Variants in MMADHC observed in about 807,000 individuals in gnomAD.
MMADHC encodes the protein metabolism of cobalamin associated D.
Under a neutral mutation model 36.3 loss-of-function variants are expected in MMADHC, and 23 were observed. The observed-to-expected ratio is 0.63, with a 90% CI of 0.46 to 0.90. The LOEUF (loss-of-function observed/expected upper bound fraction) is 0.90. Among genes scored for constraint, MMADHC ranks in the 40% least tolerant of loss-of-function variants. The probability of loss-of-function intolerance (pLI) is 0.00; values close to 1 mark genes in which losing one functional copy is unlikely to be tolerated. For synonymous variants in MMADHC, 97 were observed against 116.1 expected (o/e 0.84, Z 1.06); for missense variants, 330 against 348.0 (o/e 0.95, Z 0.41).
chr2:149,584,699 G>A (rs977812493), intron 2 of MMADHC, among the ~76,000 whole-genome samples: 1 of 152,078 alleles, frequency 6.6e-6, no homozygotes, highest in Non-Finnish European at 1.5e-5. Flanking sequence ...CCCACTGAAA[G>A]CGACAGTTGA....
intron 6 of MMADHC, among the ~76,000 whole-genome samples, chr2:149,571,766 C>T (rs1401103547): frequency 4.3e-5 from 6 of 139,162 alleles, no homozygotes; most frequent in South Asian, 2.3e-4. Context: ...GGCGACAGAG[C>T]GAGACTCCAT....
At chr2:149,574,616 C>T (rs761889808) in intron 6 of MMADHC, among the ~76,000 whole-genome samples, 39 of 152,126 alleles carry the variant, frequency 2.6e-4, no homozygotes, top group Non-Finnish European at 4.7e-4. Context: ...TATACTAGAA[C>T]AGTCTTTTTG....
chr2:149,585,154 G>C (rs1407873235), intron 2 of MMADHC, among the ~76,000 whole-genome samples: 2 of 152,034 alleles, frequency 1.3e-5, no homozygotes, highest in Non-Finnish European at 2.9e-5. Context: ...TGGTTCAGCT[G>C]GTGAACATAA....
intron 6 of MMADHC, among the ~76,000 whole-genome samples, chr2:149,573,928 A>G (rs1682679719): frequency 6.6e-6 from 1 of 152,212 alleles, no homozygotes. Flanking sequence ...CAACACTGAC[A>G]TCTGCTGGAA....
At chr2:149,581,139 G>C (rs947118347) in intron 3 of MMADHC, among the ~76,000 whole-genome samples, 1 of 152,070 alleles carries the variant, frequency 6.6e-6, no homozygotes, top group African/African-American at 2.4e-5. Flanking sequence ...TATGTTTACT[G>C]GTCATTTTAG....
rs538219525 is a variant in MMADHC at position 149,585,867 on chromosome 2, A to C, written c.9+1222T>G. 2.6e-5 allele frequency among the ~76,000 whole-genome samples: 4 copies of C among 152,366 alleles called. No individual in the cohort carries two copies. The South Asian group carries it at 8.3e-4, about 32-fold the overall frequency. ...TTTTAATATGAACTTCTTTCTAACAAAAGACTTATAAAAGGATCTTCCCTA... is the reference window on the plus strand; with the variant it reads ...TTTTAATATGAACTTCTTTCTAACACAAGACTTATAAAAGGATCTTCCCTA... On this transcript the variant is annotated intron_variant, in intron 2 of 7. Coordinates refer to ENST00000303319, the MANE Select transcript of MMADHC (RefSeq NM_015702.3).
chr2:149,581,015 C>A (rs1682785852), intron 3 of MMADHC, among the ~76,000 whole-genome samples: 2 of 152,116 alleles, frequency 1.3e-5, no homozygotes, highest in African/African-American at 4.8e-5. Flanking sequence ...CAAGAGAAAA[C>A]CTGTTAGCTA....
At position 149,569,752 on chromosome 2, in the gene MMADHC, A is replaced by G. The variant is rs1239053722; in HGVS notation, c.*222T>C. 1 of 439,996 alleles carries G rather than the reference A, an allele frequency of 2.3e-6. No individual in the cohort carries two copies. The highest frequency in any genetic ancestry group is 4.1e-6 in the Non-Finnish European group (1 of 244,152). 27.3% of individuals were successfully genotyped at this position (439,996 alleles called of 1,614,324 possible). On this transcript the variant is annotated 3_prime_UTR_variant, in exon 8 of 8. Coordinates refer to ENST00000303319, the MANE Select transcript of MMADHC (RefSeq NM_015702.3). ...ATACCCTGGTTACAAGCTAATTACCACATCCTATACAATGTGGATGTGTTC... is the reference window on the plus strand; with the variant it reads ...ATACCCTGGTTACAAGCTAATTACCGCATCCTATACAATGTGGATGTGTTC...
At chr2:149,579,863 G>C (rs1682771491) in intron 3 of MMADHC, among the ~76,000 whole-genome samples, 1 of 152,168 alleles carries the variant, frequency 6.6e-6, no homozygotes, top group South Asian at 2.1e-4. Flanking sequence ...TTAGGGGAAA[G>C]ACTGAATAAA....
intron 2 of MMADHC, among the ~76,000 whole-genome samples, chr2:149,585,153 T>G (rs1682850087): frequency 6.6e-6 from 1 of 152,068 alleles, no homozygotes; most frequent in African/African-American, 2.4e-5. Flanking sequence ...CTGGTTCAGC[T>G]GGTGAACATA....
intron 2 of MMADHC, among the ~76,000 whole-genome samples, chr2:149,583,023 C>T (rs189552613): frequency 1.3e-5 from 2 of 152,232 alleles, no homozygotes; most frequent in Admixed American, 6.5e-5. Context: ...TTATGTACTG[C>T]CTATGGTCAC....
intron 2 of MMADHC, among the ~76,000 whole-genome samples, chr2:149,585,870 G>A (rs1434139471): frequency 1.3e-5 from 2 of 152,276 alleles, no homozygotes; most frequent in East Asian, 3.9e-4. Context: ...TCTAACAAAA[G>A]ACTTATAAAA....
intron 3 of MMADHC, 33 bp downstream of exon 3, chr2:149,582,094 A>G (rs1460038550): frequency 1.2e-6 from 2 of 1,611,660 alleles, no homozygotes; most frequent in South Asian, 1.1e-5. Context: ...TTTTGAAACA[A>G]TTATAAGTAA....
Position 149,570,008 on chromosome 2 carries a change from T to C in MMADHC, c.857A>G (p.Asp286Gly). The C allele has an allele frequency of 1.2e-6, 2 of 1,613,728 alleles. No individual in the cohort carries two copies. Residue 286 changes from aspartate to glycine, a missense_variant, in exon 8 of 8, where the codon GAC becomes GGC. Transcript: ENST00000303319. ...ACTTAATTTCTTCATAATATGGCTG[T>C]CTGGTGTTGCATTAGTGAAGATACT... is the stretch of plus-strand genomic sequence containing the variant. ...VGSIFTNATPDSHIMKKLSGN is the reference protein window; with the variant it reads ...VGSIFTNATPGSHIMKKLSGN
rs1289235974 is a variant in MMADHC, at chr2:149,587,696, A to G, written c.-85T>C. Reference sequence around the variant, plus strand: ...CACCACTGTCTCCAGCTGTCCCAGAACCGGACTCTTCCTGCCATCAAAATG... The same window carrying G: ...CACCACTGTCTCCAGCTGTCCCAGAGCCGGACTCTTCCTGCCATCAAAATG... On this transcript the variant is annotated 5_prime_UTR_variant, in exon 1 of 8. Transcript: ENST00000303319. 6.5e-6 allele frequency: 1 copy of G among 153,028 alleles called. No homozygotes were observed. The highest frequency in any genetic ancestry group is 1.5e-5 in the Non-Finnish European group (1 of 68,548). 9.5% of individuals were successfully genotyped at this position (153,028 alleles called of 1,614,324 possible). A position where few individuals can be genotyped will look rare whatever the true frequency, so the allele number is the denominator to read the frequency against.
intron 5 of MMADHC, 73 bp from the exon 6 acceptor site, chr2:149,575,914 A>C (rs1392763189): frequency 2.5e-6 from 3 of 1,179,144 alleles, no homozygotes; most frequent in Non-Finnish European, 3.6e-6. Flanking sequence ...AAGAAGGATA[A>C]AAGTACTTCT....
chr2:149,574,824 T>G (rs6744828), intron 6 of MMADHC, among the ~76,000 whole-genome samples: 102,719 of 152,098 alleles, frequency 0.68, 37,629 homozygotes, highest in East Asian at 0.86. Context: ...TAAGAGATGG[T>G]AGGTATCACT....
chr2:149,570,998 TA>T (rs1489695833), intron 7 of MMADHC, 86 bp downstream of exon 7: 3 of 1,142,470 alleles, frequency 2.6e-6, no homozygotes, highest in Admixed American at 3.6e-5. Flanking sequence ...TAAAAAGTCT[TA>T]ATCTATTACC....
At chr2:149,580,201 C>G (rs1023596590) in intron 3 of MMADHC, among the ~76,000 whole-genome samples, 2 of 151,926 alleles carry the variant, frequency 1.3e-5, no homozygotes, top group African/African-American at 4.8e-5. Context: ...GACACAAGGT[C>G]TCCTCCTCCC....
Sources: allele counts gnomAD v4.1 joint callset (sites outside exome capture counted in the v4.1 genomes callset), GRCh38; gene constraint gnomAD v4.1.1; transcripts MANE v1.5; gene names NCBI Gene and HGNC (gene_info 2026-07-23, HGNC 2026-07-21).